Variants in RANBP17 observed in about 807,000 individuals in gnomAD.
The protein encoded by RANBP17 is RAN binding protein 17, also known as ran-binding protein 17.
Under a neutral mutation model 141.2 loss-of-function variants are expected in RANBP17, and 158 were observed. That is an observed-to-expected ratio of 1.12 (90% CI 0.98 to 1.28). The LOEUF (loss-of-function observed/expected upper bound fraction) is 1.28. Among genes scored for constraint, RANBP17 ranks in the 50% most tolerant of loss-of-function variants. The pLI is 0.00. For synonymous variants in RANBP17, 430 were observed against 450.0 expected (o/e 0.96, Z 0.56); for missense variants, 1,438 against 1,290.7 (o/e 1.11, Z -1.75).
At chr5:171,233,656 C>T (rs1281570874) in intron 22 of RANBP17, among the ~76,000 whole-genome samples, 1 of 152,184 alleles carries the variant, frequency 6.6e-6, no homozygotes, top group Admixed American at 6.5e-5. Flanking sequence ...GCCTTACATA[C>T]TGTATAATCC....
chr5:170,969,689 T>G (rs1322751096), intron 14 of RANBP17, among the ~76,000 whole-genome samples: 1 of 151,958 alleles, frequency 6.6e-6, no homozygotes, highest in Non-Finnish European at 1.5e-5. Context: ...CTATGTAAAA[T>G]GAGACTAGTT....
intron 14 of RANBP17, among the ~76,000 whole-genome samples, chr5:170,982,262 C>A (rs1252956273): frequency 6.6e-5 from 1 of 15,202 alleles, no homozygotes; most frequent in Non-Finnish European, 1.5e-4. Flanking sequence ...TAAAATCAGC[C>A]TGCTTATGAC....
In RANBP17 at chr5:171,171,204, A is replaced by C; in HGVS notation, c.1785-2A>C. 6.5e-7 allele frequency: 1 copy of C among 1,530,252 alleles called. No homozygotes were observed. The highest frequency in any genetic ancestry group is 1.2e-5 in the South Asian group (1 of 84,950). 94.8% of individuals were successfully genotyped at this position (1,530,252 alleles called of 1,614,324 possible). ...TAATTAAAGACTTTTTTTCATATTTAGTGTTACAAACCTTAAATACTGGGG... is the reference window on the plus strand; with the variant it reads ...TAATTAAAGACTTTTTTTCATATTTCGTGTTACAAACCTTAAATACTGGGG... On this transcript the variant is annotated splice_acceptor_variant, in intron 15 of 27. Transcript: ENST00000523189. LOFTEE classifies it high-confidence loss of function.
intron 14 of RANBP17, among the ~76,000 whole-genome samples, chr5:170,971,946 A>C (rs1189727461): frequency 6.6e-6 from 1 of 152,138 alleles, no homozygotes; most frequent in Non-Finnish European, 1.5e-5. Context: ...AGTTTTGTCA[A>C]GTCTTAATGC....
rs544709457 is a variant in RANBP17, at chr5:171,014,178, CT to C, written c.1710+45808del. Among the ~76,000 whole-genome samples the C allele has an allele frequency of 2.0e-3, 310 of 152,022 alleles. 1 individual carries two copies. Among genetic ancestry groups the C allele is most frequent in the African/African-American group, 6.4e-3 (265 of 41,532 alleles). ...TTTGATTAATGTTGGCATGGTATAT[CT>C]TTTTTTCATTTTTTTATCTTTAACC... is the stretch of plus-strand genomic sequence containing the variant. On this transcript the variant is annotated intron_variant, in intron 14 of 27. Transcript: ENST00000523189.
chr5:171,187,822 CA>C (rs1174786368), intron 18 of RANBP17, among the ~76,000 whole-genome samples: 4 of 152,118 alleles, frequency 2.6e-5, no homozygotes, highest in Non-Finnish European at 4.4e-5. Flanking sequence ...CAGGTTAGAC[CA>C]GTTATACATG....
chr5:171,281,941 C>G (rs1767887122), intron 25 of RANBP17, among the ~76,000 whole-genome samples: 1 of 152,126 alleles, frequency 6.6e-6, no homozygotes, highest in Non-Finnish European at 1.5e-5. Flanking sequence ...CCAACTTCAT[C>G]TTTTTCCTTG....
At chr5:171,208,120 T>G (rs745455393) in intron 20 of RANBP17, among the ~76,000 whole-genome samples, 3 of 152,234 alleles carry the variant, frequency 2.0e-5, no homozygotes, top group Non-Finnish European at 4.4e-5. Context: ...TGTTATACAA[T>G]CCTTAGCATG....
chr5:171,100,740 G>A (rs1432401206), intron 14 of RANBP17, among the ~76,000 whole-genome samples: 1 of 152,184 alleles, frequency 6.6e-6, no homozygotes, highest in Non-Finnish European at 1.5e-5. Flanking sequence ...GGCATTTAGT[G>A]CTATAAATTT....
chr5:171,195,367 G>T (rs1049883970), intron 18 of RANBP17, among the ~76,000 whole-genome samples: 2 of 152,140 alleles, frequency 1.3e-5, no homozygotes, highest in Non-Finnish European at 2.9e-5. Context: ...ATACAGATTA[G>T]AAAAATCTCT....
chr5:170,939,718 T>C (rs1476447439), intron 12 of RANBP17, among the ~76,000 whole-genome samples: 1 of 152,116 alleles, frequency 6.6e-6, no homozygotes, highest in African/African-American at 2.4e-5. Context: ...TCATAGTCTG[T>C]ACAAAATAAG....
chr5:171,216,792 A>G (rs1311817108), intron 21 of RANBP17, among the ~76,000 whole-genome samples: 1 of 152,212 alleles, frequency 6.6e-6, no homozygotes, highest in Admixed American at 6.5e-5. Context: ...ATTGCTTATC[A>G]GTTTAAGGAG....
At chr5:170,991,598 T>C (rs1283887808) in intron 14 of RANBP17, among the ~76,000 whole-genome samples, 1 of 151,974 alleles carries the variant, frequency 6.6e-6, no homozygotes. Flanking sequence ...TTTCATCAGA[T>C]AGATCTCCAG....
intron 3 of RANBP17, among the ~76,000 whole-genome samples, chr5:170,890,960 G>A (rs148006515): frequency 6.6e-6 from 1 of 152,228 alleles, no homozygotes; most frequent in Non-Finnish European, 1.5e-5. Flanking sequence ...CAAGTAGGTA[G>A]GACTGTAGGC....
intron 13 of RANBP17, 84 bp downstream of exon 13, chr5:170,953,786 A>G (rs1775393990): frequency 1.2e-6 from 1 of 853,260 alleles, no homozygotes; most frequent in Non-Finnish European, 1.9e-6. Context: ...GAGTGAAGAC[A>G]TTTTGTATGT....
In RANBP17 at chr5:171,065,400, C is replaced by G. The variant is rs901465632; in HGVS notation, c.1710+97023C>G. ...TAAGGAGCACACAACCTAGATCCCT[C>G]CCATGCACAGTTTACAGTAGGTTTC... is the stretch of plus-strand genomic sequence containing the variant. On this transcript the variant is annotated intron_variant, in intron 14 of 27. Coordinates refer to ENST00000523189, the MANE Select transcript of RANBP17 (RefSeq NM_022897.5). Among the ~76,000 whole-genome samples, 4 of 152,134 alleles carry G rather than the reference C, an allele frequency of 2.6e-5. No homozygotes were observed. The South Asian group carries it at 8.3e-4, about 32-fold the overall frequency.
At chr5:171,195,906 T>G (rs1295331361) in intron 18 of RANBP17, among the ~76,000 whole-genome samples, 2 of 152,140 alleles carry the variant, frequency 1.3e-5, no homozygotes, top group African/African-American at 4.8e-5. Flanking sequence ...CACATAAGTG[T>G]TTTTTAAGCA....
intron 25 of RANBP17, among the ~76,000 whole-genome samples, chr5:171,291,943 T>C (rs540002100): frequency 6.6e-6 from 1 of 152,338 alleles, no homozygotes; most frequent in Non-Finnish European, 1.5e-5. Flanking sequence ...AGGAGAACCA[T>C]ATAAAGTAAT....
At chr5:170,923,718 G>A (rs898693815) in intron 11 of RANBP17, among the ~76,000 whole-genome samples, 2 of 152,116 alleles carry the variant, frequency 1.3e-5, no homozygotes, top group South Asian at 4.1e-4. Context: ...CATACATTTA[G>A]GTAGATTTAA....
Sources: allele counts gnomAD v4.1 joint callset (sites outside exome capture counted in the v4.1 genomes callset), GRCh38; gene constraint gnomAD v4.1.1; transcripts MANE v1.5; gene names NCBI Gene and HGNC (gene_info 2026-07-23, HGNC 2026-07-21).